The following TENT4A variants were observed in gnomAD, a reference collection of about 807,000 sequenced individuals.
The protein encoded by TENT4A is terminal nucleotidyltransferase 4A.
In TENT4A, 7 loss-of-function variants were observed where a neutral mutation model predicts 72.8. The observed-to-expected ratio is 0.10, with a 90% confidence interval of 0.05 to 0.18. The LOEUF is 0.18. TENT4A is among the 10% of genes least tolerant of loss of function. The pLI, the probability that TENT4A is intolerant of heterozygous loss-of-function variation, is 1.00. For synonymous variants in TENT4A, 456 were observed against 434.3 expected (o/e 1.05, Z -0.62); for missense variants, 831 against 1,017.7 (o/e 0.82, Z 2.50).
chr5:6,755,996 G>A lies in TENT4A; in HGVS notation c.*1051G>A, dbSNP rs2126667933. ...GACCGTGGTACCCAGTTTTAGGAAT[G>A]TGGAGAAAGGAATTCTGTTGATTCC... On this transcript the variant is annotated 3_prime_UTR_variant, in exon 13 of 13. Coordinates refer to ENST00000230859, the MANE Select transcript of TENT4A (RefSeq NM_006999.6). 6.6e-6 allele frequency: 1 copy of A among 152,392 alleles called. No homozygotes were observed. Among genetic ancestry groups the A allele is most frequent in the East Asian group, 1.9e-4 (1 of 5,184 alleles). 9.4% of individuals were successfully genotyped at this position (152,392 alleles called of 1,614,324 possible). A position where few individuals can be genotyped will look rare whatever the true frequency, so the allele number is the denominator to read the frequency against.
intron 7 of TENT4A, 69 bp downstream of exon 7, chr5:6,746,496 G>C (rs1431880089): frequency 4.8e-6 from 7 of 1,458,006 alleles, no homozygotes; most frequent in Non-Finnish European, 6.7e-6. Context: ...GACAGGGCCT[G>C]TGTTGGGGCT....
At chr5:6,748,851 G>A (rs533521852) in intron 8 of TENT4A, among the ~76,000 whole-genome samples, 2 of 152,148 alleles carry the variant, frequency 1.3e-5, no homozygotes, top group South Asian at 4.1e-4. Context: ...GGTGATTTCT[G>A]GCTTTTAAAA....
At position 6,714,306 on chromosome 5, in the gene TENT4A, T is replaced by TGTC; in HGVS notation, c.327_329dup (p.Ser117dup). On this transcript the variant is annotated inframe_insertion, in exon 1 of 13. Transcript: ENST00000230859. ...CGGCGCTTGCACAAGTCGCCGTCGC[T>TGTC]GTCGTCCTCGTCGTCGTCCTCCTCG... The TGTC allele has an allele frequency of 3.1e-5, 34 of 1,104,118 alleles. No individual in the cohort carries two copies. Among genetic ancestry groups the TGTC allele is most frequent in the Non-Finnish European group, 3.6e-5 (33 of 907,502 alleles). 68.4% of individuals were successfully genotyped at this position (1,104,118 alleles called of 1,614,324 possible).
chr5:6,721,448 A>T (rs997732625), intron 1 of TENT4A, among the ~76,000 whole-genome samples: 2 of 152,372 alleles, frequency 1.3e-5, no homozygotes, highest in East Asian at 3.9e-4. Flanking sequence ...TTTGAAAAAC[A>T]TCACCATTTA....
At chr5:6,740,845 T>G (rs1442478364) in intron 4 of TENT4A, among the ~76,000 whole-genome samples, 1 of 152,204 alleles carries the variant, frequency 6.6e-6, no homozygotes, top group Non-Finnish European at 1.5e-5. Flanking sequence ...CTTTCTCAAA[T>G]GCTTACGGGC....
At position 6,714,655 on chromosome 5, in the gene TENT4A, C is replaced by A; in HGVS notation, c.672C>A (p.Pro224=). 1.7e-6 allele frequency: 2 copies of A among 1,198,744 alleles called. No individual in the cohort carries two copies. The highest frequency in any genetic ancestry group is 2.1e-6 in the Non-Finnish European group (2 of 966,680). 74.3% of individuals were successfully genotyped at this position (1,198,744 alleles called of 1,614,324 possible). A position where few individuals can be genotyped will look rare whatever the true frequency, so the allele number is the denominator to read the frequency against. Residue 224 remains proline (P), a synonymous_variant, in exon 1 of 13, where the codon CCC becomes CCA. Coordinates refer to ENST00000230859, the MANE Select transcript of TENT4A (RefSeq NM_006999.6). Reference sequence around the variant, plus strand: ...GCCCCGGGGCCCAGGCGCCGCGGCCCGGCACCCCGTGGAAGAGCCGCGCGT... The same window carrying A: ...GCCCCGGGGCCCAGGCGCCGCGGCCAGGCACCCCGTGGAAGAGCCGCGCGT... ...GGGPGAQAPR[P]GTPWKSRAYS... is the part of the protein sequence containing the mutation.
intron 1 of TENT4A, among the ~76,000 whole-genome samples, chr5:6,715,675 G>T (rs142464104): frequency 6.6e-6 from 1 of 152,348 alleles, no homozygotes; most frequent in East Asian, 1.9e-4. Flanking sequence ...ATTGCTAGGT[G>T]TTGGGAGTTC....
intron 1 of TENT4A, among the ~76,000 whole-genome samples, chr5:6,734,500 A>G (rs994721622): frequency 6.6e-6 from 1 of 152,240 alleles, no homozygotes; most frequent in African/African-American, 2.4e-5. Flanking sequence ...AAGAAGGGCC[A>G]GTGGGGCACT....
rs1189444861 is a variant in TENT4A, at chr5:6,746,430, A to G, written c.1459+3A>G. The G allele has an allele frequency of 1.9e-6, 3 of 1,613,754 alleles. No individual in the cohort carries two copies. The highest frequency in any genetic ancestry group is 2.7e-5 in the African/African-American group (2 of 74,918). On this transcript the variant is annotated splice_donor_region_variant and intron_variant, in intron 7 of 12. Coordinates refer to ENST00000230859, the MANE Select transcript of TENT4A (RefSeq NM_006999.6). ...CATTGAGGACCCCCTGCTGCCAGGT[A>G]AGGGCGCCCTGATCTCCACTGCTGA... is the stretch of plus-strand genomic sequence containing the variant.
intron 4 of TENT4A, among the ~76,000 whole-genome samples, chr5:6,740,586 A>G (rs1011662032): frequency 3.8e-5 from 5 of 130,752 alleles, no homozygotes; most frequent in Non-Finnish European, 6.9e-5. Context: ...GGGAGGGGGC[A>G]TTCACATGTT....
chr5:6,730,192 A>C (rs1391887380), intron 1 of TENT4A, among the ~76,000 whole-genome samples: 1 of 151,886 alleles, frequency 6.6e-6, no homozygotes, highest in African/African-American at 2.4e-5. Flanking sequence ...TGCACCCCCC[A>C]GCACCCACAA....
At chr5:6,734,484 T>A (rs1357636777) in intron 1 of TENT4A, among the ~76,000 whole-genome samples, 2 of 152,244 alleles carry the variant, frequency 1.3e-5, no homozygotes, top group African/African-American at 4.8e-5. Context: ...GTCCCTGCTC[T>A]CCTTGAAGAA....
intron 1 of TENT4A, among the ~76,000 whole-genome samples, chr5:6,737,049 C>T (rs549693976): frequency 6.6e-6 from 1 of 152,204 alleles, no homozygotes; most frequent in Non-Finnish European, 1.5e-5. Context: ...GTTCCTTCCC[C>T]ACACCTTGGC....
chr5:6,747,845 T>A (rs370716521), intron 7 of TENT4A, among the ~76,000 whole-genome samples: 1 of 152,258 alleles, frequency 6.6e-6, no homozygotes, highest in African/African-American at 2.4e-5. Context: ...GCTTTTCTTA[T>A]GAAAATTAAG....
Position 6,749,652 on chromosome 5 carries a change from G to T in TENT4A, c.1682G>T (p.Gly561Val). The change falls in exon 9 of 13, where the codon GGC (glycine) becomes GTC (valine). Residue 561 changes from glycine (G) to valine (V), a missense_variant. By Grantham distance (109) the Gly-to-Val change is moderately radical. Around this residue, in one of 3 missense-constraint regions of TENT4A, gnomAD observed 332 missense variants for 324.3 expected, o/e 1.02. Transcript: ENST00000230859. ...GGCAGCAAAGCCCACCCGTCGCCAGGCATGGGTGAGAGATTAATTCATTTG... is the reference window on the plus strand; with the variant it reads ...GGCAGCAAAGCCCACCCGTCGCCAGTCATGGGTGAGAGATTAATTCATTTG... The part of the protein sequence containing the change: ...KWGSKAHPSP[G>V]MDSRIKIKER... The T allele has an allele frequency of 6.2e-7, 1 of 1,602,518 alleles. No homozygotes were observed. Among genetic ancestry groups the T allele is most frequent in the South Asian group, 1.1e-5 (1 of 90,840 alleles).
intron 1 of TENT4A, among the ~76,000 whole-genome samples, chr5:6,736,366 G>A (rs555751980): frequency 6.6e-6 from 1 of 152,242 alleles, no homozygotes; most frequent in Non-Finnish European, 1.5e-5. Context: ...GGCAGGTCCT[G>A]TAAGAGGTGC....
chr5:6,747,289 C>G lies in TENT4A; in HGVS notation c.1459+862C>G, dbSNP rs543027016. On this transcript the variant is annotated intron_variant, in intron 7 of 12. Coordinates refer to ENST00000230859, the MANE Select transcript of TENT4A (RefSeq NM_006999.6). The stretch of plus-strand genomic sequence containing the variant: ...CCTCTGTGTGGCTCTGTGTGCTGTC[C>G]GCCCGGTTGCTGGCTGCCCTCCTCT... Among the ~76,000 whole-genome samples, 11 of 152,250 alleles carry G rather than the reference C, an allele frequency of 7.2e-5. No individual in the cohort carries two copies. The East Asian group carries it at 9.6e-4, about 13-fold the overall frequency.
chr5:6,738,111 T>C (rs1244965861), intron 2 of TENT4A, among the ~76,000 whole-genome samples: 1 of 152,206 alleles, frequency 6.6e-6, no homozygotes, highest in Admixed American at 6.5e-5. Context: ...CAAGTGTTTT[T>C]TGACATGTGG....
At position 6,714,707 on chromosome 5, in the gene TENT4A, C is replaced by T. The variant is rs1740270727; in HGVS notation, c.716+8C>T. 1 of 1,184,228 alleles carries T rather than the reference C, an allele frequency of 8.4e-7. No individual in the cohort carries two copies. The highest frequency in any genetic ancestry group is 1.6e-5 in the African/African-American group (1 of 62,742). The allele number at this position is 1,184,228 out of a possible 1,614,324, so 73.4% of individuals were successfully genotyped here. On this transcript the variant is annotated splice_region_variant and intron_variant, in intron 1 of 12. Coordinates refer to ENST00000230859, the MANE Select transcript of TENT4A (RefSeq NM_006999.6). ...CAGCCCGGGCATCCAGGGGTGAGTG[C>T]GCGGGGAGGCCGCGGGGGCGGGGGC...
Sources: gnomAD v4.1 joint callset for allele counts (sites outside exome capture counted in the v4.1 genomes callset) on GRCh38, gnomAD v4.1.1 for gene constraint, gnomAD v4.1.1 regional missense constraint, MANE v1.5 for transcripts, NCBI Gene and HGNC (gene_info 2026-07-23, HGNC 2026-07-21) for gene names.